MAD1L1: variants seen among roughly 807,000 people sequenced by gnomAD.
MAD1L1 encodes the protein mitotic arrest deficient 1 like 1.
In MAD1L1, 95 loss-of-function variants were observed where a neutral mutation model predicts 96.9. The observed-to-expected ratio is 0.98, with a 90% CI of 0.83 to 1.16. MAD1L1 has a LOEUF of 1.16. Among genes scored for constraint, MAD1L1 ranks in the 50% most tolerant of loss-of-function variants. The pLI is 0.00. For synonymous variants in MAD1L1, 473 were observed against 396.6 expected, an observed-to-expected ratio of 1.19 and a Z score of -2.29; for missense variants, 1,007 against 954.4, an observed-to-expected ratio of 1.06 and a Z score of -0.73.
intron 12 of MAD1L1, among the ~76,000 whole-genome samples, chr7:2,023,520 A>G (rs1007208890): frequency 9.9e-5 from 15 of 152,252 alleles, no homozygotes; most frequent in Admixed American, 9.2e-4. Context: ...GTAGGATGAA[A>G]CAAAAGCCAT....
intron 18 of MAD1L1, among the ~76,000 whole-genome samples, chr7:1,894,865 T>G (rs1188089653): frequency 6.6e-6 from 1 of 151,266 alleles, no homozygotes; most frequent in Non-Finnish European, 1.5e-5. Flanking sequence ...AAAAGAAGCC[T>G]AGGGAGAAAT....
intron 18 of MAD1L1, among the ~76,000 whole-genome samples, chr7:1,822,597 T>C (rs1442560234): frequency 6.6e-6 from 1 of 151,864 alleles, no homozygotes; most frequent in African/African-American, 2.4e-5. Flanking sequence ...ATGGCTGTAT[T>C]TTTTTCATAG....
At chr7:2,207,542 A>T (rs1336726207) in intron 10 of MAD1L1, among the ~76,000 whole-genome samples, 1 of 152,222 alleles carries the variant, frequency 6.6e-6, no homozygotes, top group Non-Finnish European at 1.5e-5. Context: ...CAGGGTTCAG[A>T]GCTGCACACA....
intron 17 of MAD1L1, among the ~76,000 whole-genome samples, chr7:1,915,616 G>A (rs1457730047): frequency 6.6e-6 from 1 of 152,246 alleles, no homozygotes; most frequent in Non-Finnish European, 1.5e-5. Flanking sequence ...ACTGCTGCGG[G>A]TACAAGCAAA....
chr7:2,170,030 G>A (rs1790638533), intron 10 of MAD1L1, among the ~76,000 whole-genome samples: 1 of 152,198 alleles, frequency 6.6e-6, no homozygotes, highest in Non-Finnish European at 1.5e-5. Flanking sequence ...CATCCGAAGG[G>A]GCCCTGCCTC....
chr7:1,815,909 C>T lies in MAD1L1; in HGVS notation c.*161G>A. The T allele has an allele frequency of 1.2e-6, 1 of 851,128 alleles. No homozygotes were observed. The highest frequency in any genetic ancestry group is 1.8e-5 in the South Asian group (1 of 54,738). 52.7% of individuals were successfully genotyped at this position (851,128 alleles called of 1,614,324 possible). A position where few individuals can be genotyped will look rare whatever the true frequency, so the allele number is the denominator to read the frequency against. On this transcript the variant is annotated 3_prime_UTR_variant, in exon 19 of 19. Transcript: ENST00000265854. The stretch of plus-strand genomic sequence containing the variant: ...CACGTGGAGAGGGTGCTGGCCGCCC[C>T]AGCAGGAAGCCCGACGTAGGTCCCA...
chr7:2,002,932 C>CCTT (rs1781864404), intron 13 of MAD1L1, among the ~76,000 whole-genome samples: 1 of 152,198 alleles, frequency 6.6e-6, no homozygotes, highest in African/African-American at 2.4e-5. Flanking sequence ...CTTCCTGACT[C>CCTT]CTTCCCACGA....
intron 3 of MAD1L1, 130 bp downstream of exon 3, chr7:2,229,854 C>G (rs1000263690): frequency 9.8e-7 from 1 of 1,017,514 alleles, no homozygotes; most frequent in Admixed American, 2.6e-5. Flanking sequence ...ATAGTGAGAC[C>G]TGGGAGACGA....
chr7:2,190,732 G>A (rs1192926701), intron 10 of MAD1L1, among the ~76,000 whole-genome samples: 1 of 152,214 alleles, frequency 6.6e-6, no homozygotes, highest in Non-Finnish European at 1.5e-5. Context: ...CAGGGCAACA[G>A]GAATGAAGGC....
chr7:1,910,845 C>T (rs764158826), intron 17 of MAD1L1, among the ~76,000 whole-genome samples: 3 of 152,202 alleles, frequency 2.0e-5, no homozygotes, highest in Admixed American at 6.5e-5. Flanking sequence ...GGGAAACCGA[C>T]GATGAGAAAG....
chr7:1,837,210 G>A (rs1239733650), intron 18 of MAD1L1, among the ~76,000 whole-genome samples: 4 of 152,248 alleles, frequency 2.6e-5, no homozygotes, highest in African/African-American at 9.6e-5. Flanking sequence ...CAGATGCTCA[G>A]TGTCATTCGT....
At chr7:1,938,339 A>G (rs1437571799) in intron 16 of MAD1L1, among the ~76,000 whole-genome samples, 1 of 152,196 alleles carries the variant, frequency 6.6e-6, no homozygotes, top group Non-Finnish European at 1.5e-5. Context: ...ACAAACATCA[A>G]TTCCACCACA....
chr7:1,997,272 G>T (rs1334238638), intron 14 of MAD1L1, among the ~76,000 whole-genome samples: 2 of 152,246 alleles, frequency 1.3e-5, no homozygotes, highest in African/African-American at 4.8e-5. Flanking sequence ...GCTGCAGGCT[G>T]GGAGACGGGA....
chr7:1,960,739 A>G (rs1779918777), intron 15 of MAD1L1, among the ~76,000 whole-genome samples: 1 of 152,324 alleles, frequency 6.6e-6, no homozygotes, highest in South Asian at 2.1e-4. Context: ...TAGCTGATAG[A>G]ACAACGGGCA....
At position 1,972,217 on chromosome 7, in the gene MAD1L1, T is replaced by G. The variant is rs1367532101; in HGVS notation, c.1505+8236A>C. Among the ~76,000 whole-genome samples the G allele has an allele frequency of 2.0e-5, 3 of 152,232 alleles. No homozygotes were observed. The East Asian group carries it at 5.8e-4, about 29-fold the overall frequency. Reference sequence around the variant, plus strand: ...CGGAAGGCTCGCCCCGCTGTCCTTTTGTACACACATGCACCCCCGTGCCTA... The same window carrying G: ...CGGAAGGCTCGCCCCGCTGTCCTTTGGTACACACATGCACCCCCGTGCCTA... On this transcript the variant is annotated intron_variant, in intron 15 of 18. Transcript: ENST00000265854.
intron 17 of MAD1L1, among the ~76,000 whole-genome samples, chr7:1,934,260 C>A (rs2031629189): frequency 6.6e-6 from 1 of 152,244 alleles, no homozygotes; most frequent in African/African-American, 2.4e-5. Flanking sequence ...CTCAGACACG[C>A]CTCTTCGCAC....
At chr7:2,024,408 C>A (rs991863884) in intron 12 of MAD1L1, among the ~76,000 whole-genome samples, 4 of 152,218 alleles carry the variant, frequency 2.6e-5, no homozygotes, top group African/African-American at 9.6e-5. Context: ...ACCATGTGAG[C>A]CAGGCAGCTG....
intron 17 of MAD1L1, among the ~76,000 whole-genome samples, chr7:1,929,798 CGCCCCGTCCCCACTGCCACGTCCCCT>C (rs1343168548): frequency 3.4e-5 from 4 of 117,454 alleles, no homozygotes; most frequent in African/African-American, 1.5e-4. Context: ...CACGTCCCCT[CGCCCCGTCCCCACTGCCACGTCCCCT>C]GCCCCGTCCC....
intron 11 of MAD1L1, chr7:2,109,350 C>T (rs1342897394): frequency 1.3e-5 from 2 of 152,292 alleles, no homozygotes; most frequent in African/African-American, 4.8e-5. Context: ...GCTGCAGCAG[C>T]CGCAGGGAAC....
Sources: gnomAD v4.1 joint callset for allele counts (sites outside exome capture counted in the v4.1 genomes callset) on GRCh38, gnomAD v4.1.1 for gene constraint, MANE v1.5 for transcripts, NCBI Gene and HGNC (gene_info 2026-07-23, HGNC 2026-07-21) for gene names.